The following EXOC2 variants were observed in gnomAD, a reference collection of about 807,000 sequenced individuals.
EXOC2 encodes SEC5-like 1.
EXOC2 carries 70 observed loss-of-function variants against 131.8 expected under a neutral mutation model. The ratio of observed to expected loss-of-function variants is 0.53; its 90% CI spans 0.44 to 0.65. The LOEUF is 0.65. EXOC2 is among the 30% of genes least tolerant of loss of function. EXOC2 has a pLI of 0.00. For synonymous variants in EXOC2, 411 were observed against 398.4 expected (o/e 1.03, Z -0.38); for missense variants, 923 against 1,108.6 (o/e 0.83, Z 2.38).
intron 1 of EXOC2, chr6:656,532 G>C (rs753905386): frequency 6.2e-7 from 1 of 1,603,752 alleles, no homozygotes; most frequent in Admixed American, 1.7e-5. Context: ...CACTCTCCTG[G>C]GAAGCACCCG....
intron 3 of EXOC2, among the ~76,000 whole-genome samples, chr6:631,837 T>C (rs1430022916): frequency 6.6e-6 from 1 of 152,174 alleles, no homozygotes; most frequent in Non-Finnish European, 1.5e-5. Flanking sequence ...TACATGTACA[T>C]ATATAAAGTC....
intron 1 of EXOC2, among the ~76,000 whole-genome samples, chr6:663,308 T>C (rs1763500455): frequency 6.6e-6 from 1 of 151,890 alleles, no homozygotes; most frequent in South Asian, 2.1e-4. Flanking sequence ...AATTAAGAAA[T>C]TACCACCAAA....
At chr6:523,736 T>A (rs1765603722) in intron 23 of EXOC2, among the ~76,000 whole-genome samples, 1 of 152,176 alleles carries the variant, frequency 6.6e-6, no homozygotes, top group Admixed American at 6.5e-5. Context: ...CAGGCTGGAG[T>A]GCAGTGGTGC....
chr6:571,831 G>A (rs761761447), intron 13 of EXOC2, among the ~76,000 whole-genome samples: 9 of 152,316 alleles, frequency 5.9e-5, no homozygotes, highest in Non-Finnish European at 1.2e-4. Flanking sequence ...GACAAAGGGC[G>A]TTAGAATCTA....
intron 5 of EXOC2, 49 bp downstream of exon 5, chr6:619,381 T>C (rs773302103): frequency 2.8e-6 from 4 of 1,442,736 alleles, no homozygotes; most frequent in Middle Eastern, 1.7e-4. Context: ...ATTCCATCTT[T>C]AGCATCTGAG....
intron 23 of EXOC2, among the ~76,000 whole-genome samples, chr6:504,319 G>A (rs1265721542): frequency 1.3e-5 from 2 of 152,218 alleles, no homozygotes; most frequent in Non-Finnish European, 2.9e-5. Flanking sequence ...GGGGCTCCGT[G>A]TGCATCCGTT....
chr6:680,693 G>C (rs190485479), intron 1 of EXOC2, among the ~76,000 whole-genome samples: 1 of 152,100 alleles, frequency 6.6e-6, no homozygotes, highest in African/African-American at 2.4e-5. Context: ...ATTTTTTTGG[G>C]CTGGGGGTGG....
At chr6:685,384 A>G (rs1458035111) in intron 1 of EXOC2, among the ~76,000 whole-genome samples, 1 of 152,238 alleles carries the variant, frequency 6.6e-6, no homozygotes, top group Non-Finnish European at 1.5e-5. Context: ...AGAATTCACC[A>G]AATCTTTCTA....
rs771849836 is a variant in EXOC2 at position 597,459 on chromosome 6, C to T, written c.1073+562G>A. ...CAAAGTGCTGTGCTGGGATTACAGG[C>T]ATGAGCCACGGTGCCCGGCCCAATA... is the stretch of plus-strand genomic sequence containing the variant. On this transcript the variant is annotated intron_variant, in intron 10 of 27. Coordinates refer to ENST00000230449, the MANE Select transcript of EXOC2 (RefSeq NM_018303.6). 9.7e-4 allele frequency among the ~76,000 whole-genome samples: 147 copies of T among 152,204 alleles called. 1 individual carries two copies. The highest frequency in any genetic ancestry group is 1.5e-3 in the Non-Finnish European group (102 of 68,036).
chr6:552,879 C>CA (rs1438891565), intron 21 of EXOC2, among the ~76,000 whole-genome samples: 44 of 151,418 alleles, frequency 2.9e-4, no homozygotes, highest in East Asian at 1.8e-3. Context: ...CACACACACA[C>CA]CCCCCCTTCA....
chr6:523,336 C>T (rs1056042077), intron 23 of EXOC2, among the ~76,000 whole-genome samples: 3 of 152,202 alleles, frequency 2.0e-5, no homozygotes, highest in Non-Finnish European at 1.5e-5. Context: ...GAACGCAGTG[C>T]GTCCACCTCC....
At chr6:494,093 T>C (rs146002373) in intron 25 of EXOC2, among the ~76,000 whole-genome samples, 5 of 152,302 alleles carry the variant, frequency 3.3e-5, no homozygotes, top group Non-Finnish European at 7.4e-5. Flanking sequence ...GGAACTATTA[T>C]AATAACCATG....
In EXOC2 at chr6:580,517, C is replaced by CT. The variant is rs199649867; in HGVS notation, c.1193-3636dup. ...TTCTGGATGAAAATTTTTAAAAAGCCTTTTTTTTAAAGCAGGAAATGATTA... is the reference window on the plus strand; with the variant it reads ...TTCTGGATGAAAATTTTTAAAAAGCCTTTTTTTTTAAAGCAGGAAATGATTA... On this transcript the variant is annotated intron_variant, in intron 11 of 27. Coordinates refer to ENST00000230449, the MANE Select transcript of EXOC2 (RefSeq NM_018303.6). Among the ~76,000 whole-genome samples, 966 of 151,788 alleles carry CT rather than the reference C, an allele frequency of 6.4e-3. 13 individuals are homozygous for CT. The highest frequency in any genetic ancestry group is 0.022 in the African/African-American group (913 of 41,400).
chr6:544,954 T>C (rs1756758131), intron 22 of EXOC2, among the ~76,000 whole-genome samples: 2 of 151,762 alleles, frequency 1.3e-5, no homozygotes, highest in South Asian at 2.1e-4. Context: ...GAGACCATCC[T>C]GGCTAACAAG....
chr6:594,839 C>T (rs111829025), intron 10 of EXOC2, among the ~76,000 whole-genome samples: 444 of 152,280 alleles, frequency 2.9e-3, no homozygotes, highest in Non-Finnish European at 5.0e-3. Context: ...TTTCAGTATG[C>T]AGCTAAAAAT....
intron 1 of EXOC2, among the ~76,000 whole-genome samples, chr6:670,751 C>A (rs2127775151): frequency 6.6e-6 from 1 of 152,244 alleles, no homozygotes; most frequent in Middle Eastern, 3.4e-3. Flanking sequence ...AGAAAATGTT[C>A]TGTTGCATAA....
chr6:562,865 C>A lies in EXOC2; in HGVS notation c.1790-20G>T. The A allele has an allele frequency of 6.5e-7, 1 of 1,527,726 alleles. No individual in the cohort carries two copies. Among genetic ancestry groups the A allele is most frequent in the Non-Finnish European group, 8.9e-7 (1 of 1,128,658 alleles). 94.6% of individuals were successfully genotyped at this position (1,527,726 alleles called of 1,614,324 possible). On this transcript the variant is annotated intron_variant, in intron 16 of 27. Coordinates refer to ENST00000230449, the MANE Select transcript of EXOC2 (RefSeq NM_018303.6). The stretch of plus-strand genomic sequence containing the variant: ...TTATTTCTATATGAGAAGAAGCACA[C>A]AAATACTTTATTATAATTATCTCAC...
At chr6:589,407 G>A (rs1759407079) in intron 11 of EXOC2, among the ~76,000 whole-genome samples, 2 of 151,854 alleles carry the variant, frequency 1.3e-5, no homozygotes, top group African/African-American at 2.4e-5. Flanking sequence ...TCTGGAACGC[G>A]TCTCAATGCC....
intron 22 of EXOC2, among the ~76,000 whole-genome samples, chr6:545,719 C>T (rs1233681707): frequency 1.3e-5 from 2 of 152,202 alleles, no homozygotes; most frequent in Non-Finnish European, 2.9e-5. Flanking sequence ...TGTGAATCTA[C>T]TTCAGGATTC....
Sources: gnomAD v4.1 joint callset for allele counts (sites outside exome capture counted in the v4.1 genomes callset) on GRCh38, gnomAD v4.1.1 for gene constraint, MANE v1.5 for transcripts, NCBI Gene and HGNC (gene_info 2026-07-23, HGNC 2026-07-21) for gene names.